FBXW8: variants seen among roughly 807,000 people sequenced by gnomAD.
FBXW8 encodes the protein F-box/WD repeat-containing protein 8.
In FBXW8, 57 loss-of-function variants were observed where a neutral mutation model predicts 65.3. The ratio of observed to expected loss-of-function variants is 0.87; its 90% confidence interval spans 0.71 to 1.09. The LOEUF (loss-of-function observed/expected upper bound fraction) is 1.09. Among genes scored for constraint, FBXW8 ranks in the 50% least tolerant of loss-of-function variants. The pLI is 0.00. For missense variants in FBXW8, 777 were observed against 814.8 expected (o/e 0.95, Z 0.57); for synonymous variants, 308 against 330.2 (o/e 0.93, Z 0.73).
At chr12:116,949,259 A>T (rs188622942) in intron 3 of FBXW8, 1 of 227,128 alleles carries the variant, frequency 4.4e-6, no homozygotes, top group Admixed American at 5.1e-5. Flanking sequence ...CACATACTTT[A>T]TAAGTTTCTT....
At position 116,945,490 on chromosome 12, in the gene FBXW8, T is replaced by G; in HGVS notation, c.550T>G (p.Cys184Gly). 11 of 1,614,030 alleles carry G rather than the reference T, an allele frequency of 6.8e-6. No individual in the cohort carries two copies. The highest frequency in any genetic ancestry group is 9.3e-6 in the Non-Finnish European group (11 of 1,179,982). The change falls in exon 3 of 11, where the codon TGC becomes GGC. Residue 184 changes from cysteine (C) to glycine (G), a missense_variant. Coordinates refer to ENST00000652555, the MANE Select transcript of FBXW8 (RefSeq NM_153348.3). ...YSCWKLIFQE[C>G]RAKEHMLRTN... ...TTGCTGGAAGCTCATCTTCCAAGAGTGCCGAGCCAAGGAACACATGTTACG... is the reference window on the plus strand; with the variant it reads ...TTGCTGGAAGCTCATCTTCCAAGAGGGCCGAGCCAAGGAACACATGTTACG...
intron 5 of FBXW8, among the ~76,000 whole-genome samples, chr12:116,975,961 A>G (rs1431022793): frequency 1.3e-5 from 2 of 152,246 alleles, no homozygotes; most frequent in Admixed American, 1.3e-4. Context: ...TAAAATCTGT[A>G]GATTAAATAT....
chr12:116,935,556 C>G (rs2137323828), intron 2 of FBXW8, among the ~76,000 whole-genome samples: 1 of 152,304 alleles, frequency 6.6e-6, no homozygotes, highest in East Asian at 1.9e-4. Context: ...CCCAAGTGCC[C>G]TCAGGAGTTC....
At chr12:117,001,032 A>G (rs1953508312) in intron 7 of FBXW8, among the ~76,000 whole-genome samples, 1 of 152,108 alleles carries the variant, frequency 6.6e-6, no homozygotes, top group Admixed American at 6.5e-5. Flanking sequence ...AGGCAGTAGT[A>G]TTTGTCTTCT....
chr12:116,966,910 G>T (rs1294958357), intron 5 of FBXW8, among the ~76,000 whole-genome samples: 4 of 151,950 alleles, frequency 2.6e-5, no homozygotes, highest in African/African-American at 9.7e-5. Flanking sequence ...CTAGAGACGG[G>T]GTTTCACCAT....
At position 117,010,313 on chromosome 12, in the gene FBXW8, CCT is replaced by C. The variant is rs1953772422; in HGVS notation, c.1240-4_1240-3del. 6.2e-7 allele frequency: 1 copy of C among 1,614,182 alleles called. No individual in the cohort carries two copies. The highest frequency in any genetic ancestry group is 8.5e-7 in the Non-Finnish European group (1 of 1,180,018). On this transcript the variant is annotated splice_polypyrimidine_tract_variant and splice_region_variant and intron_variant, in intron 7 of 10. Transcript: ENST00000652555. ...AATTGTGGGCCCACACATTTCTCTTCCTCTCTCAGATCCTGGTGTATAGCCTG... is the reference window on the plus strand; with the variant it reads ...AATTGTGGGCCCACACATTTCTCTTCCTCTCAGATCCTGGTGTATAGCCTG...
In FBXW8 at chr12:117,022,003, C is replaced by T. The variant is rs189363348; in HGVS notation, c.1368-2144C>T. Among the ~76,000 whole-genome samples the T allele has an allele frequency of 4.2e-4, 64 of 152,276 alleles. No individual in the cohort carries two copies. In the East Asian group the frequency reaches 0.01, roughly 24 times the overall value. The stretch of plus-strand genomic sequence containing the variant: ...ATATGTAGTTTTCTTTGATCATGCT[C>T]TCAGGGTTAGGCTTTGGTAATAGAA... On this transcript the variant is annotated intron_variant, in intron 8 of 10. Transcript: ENST00000652555.
At chr12:116,980,976 A>G (rs565866554) in intron 5 of FBXW8, among the ~76,000 whole-genome samples, 1 of 151,916 alleles carries the variant, frequency 6.6e-6, no homozygotes, top group African/African-American at 2.4e-5. Flanking sequence ...TTTTTGTTTT[A>G]TTTTGTCTTA....
chr12:117,016,667 A>G (rs1953955591), intron 8 of FBXW8, among the ~76,000 whole-genome samples: 1 of 139,060 alleles, frequency 7.2e-6, no homozygotes, highest in East Asian at 2.1e-4. Context: ...TCCTTTTGTC[A>G]TTTGTGCTAT....
At chr12:116,984,456 A>C (rs1485736369) in intron 5 of FBXW8, among the ~76,000 whole-genome samples, 1 of 152,226 alleles carries the variant, frequency 6.6e-6, no homozygotes, top group Admixed American at 6.5e-5. Flanking sequence ...TGGGATATTG[A>C]AGCACAGGTT....
chr12:116,928,021 A>G lies in FBXW8; in HGVS notation c.319-2A>G. 6.4e-7 allele frequency: 1 copy of G among 1,564,460 alleles called. No individual in the cohort carries two copies. The highest frequency in any genetic ancestry group is 8.7e-7 in the Non-Finnish European group (1 of 1,152,188). On this transcript the variant is annotated splice_acceptor_variant, in intron 1 of 10. Coordinates refer to ENST00000652555, the MANE Select transcript of FBXW8 (RefSeq NM_153348.3). LOFTEE classifies it high-confidence loss of function. ...ACTTCTTTCTTTTTTTTTTCCCCTC[A>G]GAATGAAATGAATGATGTGCCTTTC...
intron 5 of FBXW8, among the ~76,000 whole-genome samples, chr12:116,970,290 G>C (rs781539277): frequency 1.3e-5 from 2 of 152,182 alleles, no homozygotes; most frequent in Non-Finnish European, 2.9e-5. Flanking sequence ...ACGCGATCTG[G>C]TGCATATTAG....
rs760001832 is a variant in FBXW8, at chr12:116,985,211, C to T, written c.841C>T (p.Leu281Phe). The change falls in exon 6 of 11, where the codon CTT becomes TTT. Residue 281 changes from leucine (L) to phenylalanine (F), a missense_variant. Coordinates refer to ENST00000652555, the MANE Select transcript of FBXW8 (RefSeq NM_153348.3). ...CATTGTTTCTTGCTGCATAGGGTTT[C>T]TTAATATTTGGGATTTAAGGACCGG... ...LAVAAYEDGF[L>F]NIWDLRTGKY... 2 of 1,599,288 alleles carry T rather than the reference C, an allele frequency of 1.3e-6. No homozygotes were observed. The highest frequency in any genetic ancestry group is 1.7e-6 in the Non-Finnish European group (2 of 1,174,868).
intron 7 of FBXW8, among the ~76,000 whole-genome samples, chr12:117,000,756 G>A (rs761765250): frequency 4.6e-5 from 7 of 152,216 alleles, no homozygotes; most frequent in Non-Finnish European, 1.0e-4. Flanking sequence ...TAAAATCATG[G>A]TACCTATCTT....
rs1953164654 is a variant in FBXW8 at position 116,988,778 on chromosome 12, C to T, written c.1148C>T (p.Ala383Val). The T allele has an allele frequency of 6.2e-7, 1 of 1,614,068 alleles. No homozygotes were observed. Among genetic ancestry groups the T allele is most frequent in the South Asian group, 1.1e-5 (1 of 91,086 alleles). The change falls in exon 7 of 11, where the codon GCC becomes GTC. Residue 383 changes from alanine (A) to valine (V), a missense_variant. Coordinates refer to ENST00000652555, the MANE Select transcript of FBXW8 (RefSeq NM_153348.3). ...GACTCCGCCAGAACCCTCCTTTACG[C>T]CCACGGCCCGCCTGTCACATGTCTA... is the stretch of plus-strand genomic sequence containing the variant. Reference protein sequence around the residue: ...AEDSARTLLYAHGPPVTCLDV... With the variant: ...AEDSARTLLYVHGPPVTCLDV...
intron 8 of FBXW8, 110 bp from the exon 9 acceptor site, chr12:117,024,037 T>G: frequency 4.4e-6 from 5 of 1,139,796 alleles, no homozygotes; most frequent in East Asian, 5.0e-5. Flanking sequence ...AGCTGAGGAG[T>G]TTTTCATAGC....
intron 1 of FBXW8, among the ~76,000 whole-genome samples, chr12:116,921,588 T>C (rs1880905949): frequency 6.6e-6 from 1 of 152,206 alleles, no homozygotes; most frequent in South Asian, 2.1e-4. Context: ...ATTTCTTATA[T>C]ACTTGCTAAC....
At chr12:116,928,271 C>T in intron 2 of FBXW8, 144 bp downstream of exon 2, 2 of 650,682 alleles carry the variant, frequency 3.1e-6, no homozygotes, top group East Asian at 2.9e-5. Flanking sequence ...TGAAGGAAAG[C>T]CACCTTGACC....
intron 2 of FBXW8, among the ~76,000 whole-genome samples, chr12:116,940,268 T>TA (rs1882469355): frequency 1.3e-5 from 2 of 150,786 alleles, no homozygotes; most frequent in African/African-American, 4.9e-5. Context: ...TTTTTTTTTT[T>TA]AAATAATTAA....
Sources: gnomAD v4.1 joint callset for allele counts (sites outside exome capture counted in the v4.1 genomes callset) on GRCh38, gnomAD v4.1.1 for gene constraint, MANE v1.5 for transcripts, NCBI Gene and HGNC (gene_info 2026-07-23, HGNC 2026-07-21) for gene names.